Variants in ACVR1 observed in about 807,000 individuals in gnomAD.
ACVR1 encodes the protein activin receptor type-1.
ACVR1 carries 38 observed loss-of-function variants against 57.1 expected under a neutral mutation model. That is an observed-to-expected ratio of 0.67 (90% CI 0.51 to 0.87). The LOEUF (loss-of-function observed/expected upper bound fraction) is 0.87. Among genes scored for constraint, ACVR1 ranks in the 40% least tolerant of loss-of-function variants. ACVR1 has a pLI of 0.00. For synonymous variants in ACVR1, 212 were observed against 228.1 expected (o/e 0.93, Z 0.63); for missense variants, 463 against 638.2 (o/e 0.73, Z 2.96).
chr2:157,752,619 G>A (rs979422942), intron 9 of ACVR1, among the ~76,000 whole-genome samples: 1 of 152,190 alleles, frequency 6.6e-6, no homozygotes, highest in Non-Finnish European at 1.5e-5. Context: ...CCACAAGCTA[G>A]AAGGGATTGG....
intron 1 of ACVR1, among the ~76,000 whole-genome samples, chr2:157,862,220 TATGTTTC>T (rs1689746287): frequency 6.6e-6 from 1 of 152,190 alleles, no homozygotes; most frequent in South Asian, 2.1e-4. Flanking sequence ...GAAAGTGTAC[TATGTTTC>T]ATGTTTATGT....
At chr2:157,873,696 G>A (rs1391216906) in intron 1 of ACVR1, among the ~76,000 whole-genome samples, 1 of 152,102 alleles carries the variant, frequency 6.6e-6, no homozygotes, top group Non-Finnish European at 1.5e-5. Flanking sequence ...TTACCTAGAA[G>A]CCTATCATGA....
intron 1 of ACVR1, among the ~76,000 whole-genome samples, chr2:157,851,912 A>ACCACCACCC (rs1450603672): frequency 1.9e-4 from 3 of 16,196 alleles, no homozygotes; most frequent in Non-Finnish European, 5.0e-4. Context: ...CACACACACC[A>ACCACCACCC]CCCCCACCCC....
chr2:157,855,327 C>T (rs149570757), intron 1 of ACVR1, among the ~76,000 whole-genome samples: 17,338 of 105,980 alleles, frequency 0.16, 2,502 homozygotes, highest in East Asian at 0.41. Flanking sequence ...TATATATACA[C>T]ACACACACAC....
Position 157,770,492 on chromosome 2 carries a change from C to T in ACVR1, c.666G>A (p.Val222=), listed in dbSNP as rs1442062373. The change falls in exon 7 of 11, where the codon GTG becomes GTA. Residue 222 remains valine (V), a synonymous_variant. Coordinates refer to ENST00000434821, the MANE Select transcript of ACVR1 (RefSeq NM_001111067.4). ...TCTCCCCTTGCCAGCTGCCCCTCCA[C>T]ACCTCACCATACCTGCCTTTCCCTA... ...ECVGKGRYGE[V]WRGSWQGENV... The T allele has an allele frequency of 1.2e-6, 2 of 1,613,890 alleles. No individual in the cohort carries two copies. The highest frequency in any genetic ancestry group is 1.3e-5 in the African/African-American group (1 of 74,882).
chr2:157,873,110 A>G (rs963118322), intron 1 of ACVR1, among the ~76,000 whole-genome samples: 1 of 152,212 alleles, frequency 6.6e-6, no homozygotes, highest in African/African-American at 2.4e-5. Context: ...CATTGCTTTA[A>G]AGAAAAATAT....
At chr2:157,806,974 A>G (rs1251679354) in intron 2 of ACVR1, 1 of 152,178 alleles carries the variant, frequency 6.6e-6, no homozygotes, top group East Asian at 1.9e-4. Flanking sequence ...AGAACTGAAA[A>G]CCAGGCCCTG....
At chr2:157,750,122 G>C (rs1389426583) in intron 9 of ACVR1, among the ~76,000 whole-genome samples, 2 of 152,176 alleles carry the variant, frequency 1.3e-5, no homozygotes, top group Non-Finnish European at 2.9e-5. Flanking sequence ...ATGCCTCCTG[G>C]GGACCTGAGG....
chr2:157,857,995 C>G (rs1258941343), intron 1 of ACVR1, among the ~76,000 whole-genome samples: 2 of 152,082 alleles, frequency 1.3e-5, no homozygotes, highest in Non-Finnish European at 2.9e-5. Flanking sequence ...ATATTTATTC[C>G]CTAAGGTCCC....
chr2:157,739,217 A>G (rs937827683), intron 9 of ACVR1, among the ~76,000 whole-genome samples: 6 of 152,154 alleles, frequency 3.9e-5, no homozygotes, highest in African/African-American at 9.7e-5. Context: ...TGATGGCTCT[A>G]TTATTTACTA....
chr2:157,778,879 C>A (rs1408790804), intron 4 of ACVR1, among the ~76,000 whole-genome samples: 1 of 152,162 alleles, frequency 6.6e-6, no homozygotes, highest in Non-Finnish European at 1.5e-5. Context: ...CTGATTCACT[C>A]CCTGGGTTCA....
chr2:157,760,352 T>TA (rs1324882473), intron 9 of ACVR1, among the ~76,000 whole-genome samples: 3 of 152,038 alleles, frequency 2.0e-5, no homozygotes, highest in Non-Finnish European at 4.4e-5. Context: ...GCTATAAACA[T>TA]AAGAGCTGGA....
At chr2:157,765,298 T>C (rs1574036909) in intron 8 of ACVR1, among the ~76,000 whole-genome samples, 1 of 152,340 alleles carries the variant, frequency 6.6e-6, no homozygotes, top group East Asian at 1.9e-4. Flanking sequence ...TCTTTTGCCT[T>C]GGTTACAGAA....
At chr2:157,863,669 G>A (rs564354395) in intron 1 of ACVR1, among the ~76,000 whole-genome samples, 1 of 151,448 alleles carries the variant, frequency 6.6e-6, no homozygotes, top group African/African-American at 2.4e-5. Flanking sequence ...TGCACTTCCA[G>A]CCTGGCAACA....
intron 3 of ACVR1, among the ~76,000 whole-genome samples, chr2:157,792,819 T>C (rs778024355): frequency 1.3e-5 from 2 of 152,228 alleles, no homozygotes; most frequent in Non-Finnish European, 2.9e-5. Flanking sequence ...ATCTATGCAG[T>C]GGGTCTTACT....
intron 2 of ACVR1, among the ~76,000 whole-genome samples, chr2:157,817,126 AT>A (rs898213432): frequency 1.9e-4 from 28 of 149,920 alleles, no homozygotes; most frequent in Admixed American, 8.0e-4. Flanking sequence ...CACCTGGCTA[AT>A]TTTTTTTTTC....
At chr2:157,767,806 G>A (rs1414543793) in intron 7 of ACVR1, among the ~76,000 whole-genome samples, 1 of 152,104 alleles carries the variant, frequency 6.6e-6, no homozygotes, top group East Asian at 1.9e-4. Flanking sequence ...TTTAGTGCTA[G>A]CTGTCCTGAT....
chr2:157,818,615 T>C (rs1688033429), intron 1 of ACVR1, 56 bp from the exon 2 acceptor site: 1 of 152,338 alleles, frequency 6.6e-6, no homozygotes, highest in South Asian at 2.1e-4. Flanking sequence ...CCTGCAGTTG[T>C]GAATGTGGTG....
chr2:157,743,352 A>T (rs1684849810), intron 9 of ACVR1, among the ~76,000 whole-genome samples: 1 of 152,028 alleles, frequency 6.6e-6, no homozygotes, highest in African/African-American at 2.4e-5. Flanking sequence ...GTATACCTCA[A>T]CCACAGTGAC....
Sources: gnomAD v4.1 joint callset for allele counts (sites outside exome capture counted in the v4.1 genomes callset) on GRCh38, gnomAD v4.1.1 for gene constraint, MANE v1.5 for transcripts, NCBI Gene and HGNC (gene_info 2026-07-23, HGNC 2026-07-21) for gene names.